Variants in GALNTL6 observed in about 807,000 individuals in gnomAD.
GALNTL6 encodes polypeptide N-acetylgalactosaminyltransferase like 6, also known as polypeptide N-acetylgalactosaminyltransferase-like 6.
Under a neutral mutation model 73.7 loss-of-function variants are expected in GALNTL6, and 46 were observed. The ratio of observed to expected loss-of-function variants is 0.62; its 90% CI spans 0.49 to 0.80. The LOEUF (loss-of-function observed/expected upper bound fraction) is 0.80, where lower values mean the gene tolerates loss of function less well. GALNTL6 is among the 30% of genes least tolerant of loss of function. The pLI, the probability that GALNTL6 is intolerant of heterozygous loss-of-function variation, is 0.00. For missense variants in GALNTL6, 604 were observed against 755.0 expected (o/e 0.80, Z 2.34); for synonymous variants, 259 against 263.7 (o/e 0.98, Z 0.17).
intron 7 of GALNTL6, among the ~76,000 whole-genome samples, chr4:172,816,836 G>A (rs1033336349): frequency 6.6e-6 from 1 of 152,064 alleles, no homozygotes; most frequent in Non-Finnish European, 1.5e-5. Flanking sequence ...GGCTGGGCAC[G>A]GTGGCCGCGC....
At chr4:172,001,595 G>A (rs1740673804) in intron 2 of GALNTL6, among the ~76,000 whole-genome samples, 1 of 152,056 alleles carries the variant, frequency 6.6e-6, no homozygotes, top group South Asian at 2.1e-4. Context: ...TTTCCCTAGA[G>A]GATACTGTTA....
At chr4:172,653,224 CTTTT>C (rs5864143) in intron 5 of GALNTL6, among the ~76,000 whole-genome samples, 1 of 143,664 alleles carries the variant, frequency 7.0e-6, no homozygotes, top group Non-Finnish European at 1.5e-5. Flanking sequence ...TCTCTTCTTC[CTTTT>C]TTTTTTTTGA....
intron 7 of GALNTL6, among the ~76,000 whole-genome samples, chr4:172,866,616 C>T (rs149818202): frequency 5.5e-4 from 84 of 152,242 alleles, no homozygotes; most frequent in East Asian, 2.1e-3. Context: ...ACGGTCCCTC[C>T]GCTCAACCAG....
chr4:172,314,035 G>A (rs1740459557), intron 4 of GALNTL6, among the ~76,000 whole-genome samples: 1 of 152,140 alleles, frequency 6.6e-6, no homozygotes, highest in Non-Finnish European at 1.5e-5. Flanking sequence ...CTATGCTTTT[G>A]ACTTCATCTG....
rs377268717 is a variant in GALNTL6 at position 172,928,245 on chromosome 4, C to A, written c.1042-2916C>A. On this transcript the variant is annotated intron_variant, in intron 8 of 12. Coordinates refer to ENST00000506823, the MANE Select transcript of GALNTL6 (RefSeq NM_001034845.3). ...AAAGAGTTTGCATAATCTATAGATA[C>A]AATATCAATTAAACACGTGGACACT... 4.6e-5 allele frequency among the ~76,000 whole-genome samples: 7 copies of A among 152,204 alleles called. No individual in the cohort carries two copies. The East Asian group carries it at 9.7e-4, about 21-fold the overall frequency.
At chr4:172,040,064 T>C (rs567579528) in intron 2 of GALNTL6, among the ~76,000 whole-genome samples, 5 of 152,276 alleles carry the variant, frequency 3.3e-5, no homozygotes, top group African/African-American at 1.2e-4. Context: ...TCATCAATTA[T>C]AGTGTGCAAC....
chr4:172,410,257 A>G (rs1047617967), intron 5 of GALNTL6, among the ~76,000 whole-genome samples: 3 of 152,136 alleles, frequency 2.0e-5, no homozygotes, highest in African/African-American at 4.8e-5. Context: ...TGTGTTAAAT[A>G]TAAATAAAAT....
At chr4:171,944,502 A>G (rs890582510) in intron 2 of GALNTL6, among the ~76,000 whole-genome samples, 1 of 152,024 alleles carries the variant, frequency 6.6e-6, no homozygotes, top group African/African-American at 2.4e-5. Context: ...TTTTGGATAC[A>G]GTGATTTCTA....
chr4:172,141,150 T>C (rs2110737886), intron 2 of GALNTL6, among the ~76,000 whole-genome samples: 1 of 152,162 alleles, frequency 6.6e-6, no homozygotes, highest in East Asian at 1.9e-4. Context: ...TGAGACAAGG[T>C]ATGGATGGAA....
At position 172,729,181 on chromosome 4, in the gene GALNTL6, C is replaced by G. The variant is rs1195326943; in HGVS notation, c.554-80180C>G. Among the ~76,000 whole-genome samples the G allele has an allele frequency of 2.0e-5, 3 of 151,982 alleles. No individual in the cohort carries two copies. In the East Asian group the frequency reaches 5.8e-4, roughly 29 times the overall value. ...TATTTTCTCCTATTCTGCAGGTTGT[C>G]TATTCAGTTTTATTGATTGTTTCCT... On this transcript the variant is annotated intron_variant, in intron 5 of 12. Coordinates refer to ENST00000506823, the MANE Select transcript of GALNTL6 (RefSeq NM_001034845.3).
At chr4:171,945,411 A>G (rs1220923976) in intron 2 of GALNTL6, among the ~76,000 whole-genome samples, 1 of 152,148 alleles carries the variant, frequency 6.6e-6, no homozygotes, top group African/African-American at 2.4e-5. Context: ...CTGCTAGATG[A>G]AACCAAAAGG....
intron 12 of GALNTL6, among the ~76,000 whole-genome samples, chr4:173,025,684 GA>G (rs1753203623): frequency 1.3e-5 from 2 of 152,250 alleles, no homozygotes; most frequent in South Asian, 4.1e-4. Context: ...GTAGAAGATA[GA>G]GTGCTTTAGC....
At chr4:172,870,688 T>G (rs1448640189) in intron 7 of GALNTL6, among the ~76,000 whole-genome samples, 1 of 152,196 alleles carries the variant, frequency 6.6e-6, no homozygotes, top group Non-Finnish European at 1.5e-5. Flanking sequence ...CCTGCTCTGA[T>G]TTGGAGATAG....
At chr4:171,906,046 G>T (rs1412078885) in intron 2 of GALNTL6, among the ~76,000 whole-genome samples, 1 of 152,046 alleles carries the variant, frequency 6.6e-6, no homozygotes, top group African/African-American at 2.4e-5. Flanking sequence ...AAGCAGGAAA[G>T]ATCTAAAATT....
chr4:173,039,361 T>C (rs1397336398), intron 12 of GALNTL6, among the ~76,000 whole-genome samples: 1 of 152,080 alleles, frequency 6.6e-6, no homozygotes, highest in East Asian at 1.9e-4. Context: ...CTCATATTCA[T>C]CTTCTGAAAA....
At chr4:172,765,736 C>T (rs979459630) in intron 5 of GALNTL6, among the ~76,000 whole-genome samples, 1 of 151,978 alleles carries the variant, frequency 6.6e-6, no homozygotes, top group African/African-American at 2.4e-5. Context: ...CCTCTTCAGT[C>T]GTCTCCCACA....
At position 171,953,121 on chromosome 4, in the gene GALNTL6, G is replaced by A. The variant is rs541388123; in HGVS notation, c.138+138403G>A. ...CTTTACTGAAAGGCAATGAAAAAAAGGGCTAAAAAATTATGGATAGTGAAA... is the reference window on the plus strand; with the variant it reads ...CTTTACTGAAAGGCAATGAAAAAAAAGGCTAAAAAATTATGGATAGTGAAA... On this transcript the variant is annotated intron_variant, in intron 2 of 12. Transcript: ENST00000506823. Among the ~76,000 whole-genome samples the A allele has an allele frequency of 9.9e-5, 15 of 152,150 alleles. No homozygotes were observed. The South Asian group carries it at 2.3e-3, about 23-fold the overall frequency.
chr4:171,939,520 A>C (rs964965107), intron 2 of GALNTL6, among the ~76,000 whole-genome samples: 2 of 152,014 alleles, frequency 1.3e-5, no homozygotes, highest in African/African-American at 4.8e-5. Flanking sequence ...TGAAACAGAC[A>C]CAGAATGTAT....
intron 2 of GALNTL6, among the ~76,000 whole-genome samples, chr4:171,966,195 GTT>G (rs1035640452): frequency 5.3e-5 from 8 of 152,150 alleles, no homozygotes; most frequent in African/African-American, 1.9e-4. Flanking sequence ...GGAGAAGACA[GTT>G]TACCTTCTGG....
Sources: gnomAD v4.1 joint callset for allele counts (sites outside exome capture counted in the v4.1 genomes callset) on GRCh38, gnomAD v4.1.1 for gene constraint, MANE v1.5 for transcripts, NCBI Gene and HGNC (gene_info 2026-07-23, HGNC 2026-07-21) for gene names.